Variants in KIF2C observed in about 807,000 individuals in gnomAD.
The protein encoded by KIF2C is kinesin-like protein KIF2C.
A neutral mutation model predicts 97.4 loss-of-function variants in KIF2C; 34 were observed. That is an observed-to-expected ratio of 0.35 (90% CI 0.27 to 0.46). The LOEUF is 0.46. KIF2C is among the 20% of genes least tolerant of loss of function. The pLI is 1.00. For synonymous variants in KIF2C, 313 were observed against 318.2 expected (o/e 0.98, Z 0.17); for missense variants, 750 against 907.6 (o/e 0.83, Z 2.23).
Position 44,753,848 on chromosome 1 carries a change from A to G in KIF2C, c.663+15A>G. The G allele has an allele frequency of 6.5e-7, 1 of 1,528,260 alleles. No individual in the cohort carries two copies. The highest frequency in any genetic ancestry group is 9.0e-7 in the Non-Finnish European group (1 of 1,117,160). 94.7% of individuals were successfully genotyped at this position (1,528,260 alleles called of 1,614,324 possible). On this transcript the variant is annotated intron_variant, in intron 7 of 20. Transcript: ENST00000372224. ...AGAGAGCTCAGGTACCTTTCTTGGG[A>G]GACTAGGGTAAGGGTTTTTGGACAG...
In KIF2C at chr1:44,740,020, T is replaced by C. The variant is rs1648852889; in HGVS notation, c.70+18T>C. 1 of 1,614,120 alleles carries C rather than the reference T, an allele frequency of 6.2e-7. No individual in the cohort carries two copies. The highest frequency in any genetic ancestry group is 8.5e-7 in the Non-Finnish European group (1 of 1,179,960). ...CAGTAATGGTGAGGAGCGGGGTCCC[T>C]AGGTCAAGGGGACTCGTGAGCGGTG... is the stretch of plus-strand genomic sequence containing the variant. On this transcript the variant is annotated intron_variant, in intron 1 of 20. Coordinates refer to ENST00000372224, the MANE Select transcript of KIF2C (RefSeq NM_006845.4).
chr1:44,741,060 A>G (rs1648909914), intron 2 of KIF2C, 53 bp downstream of exon 2: 1 of 1,386,384 alleles, frequency 7.2e-7, no homozygotes, highest in African/African-American at 1.4e-5. Flanking sequence ...TACATAAAGG[A>G]TCTGTGCAGA....
chr1:44,763,147 G>A (rs1259534462), intron 19 of KIF2C, among the ~76,000 whole-genome samples: 2 of 151,844 alleles, frequency 1.3e-5, no homozygotes, highest in Non-Finnish European at 2.9e-5. Context: ...GTCAAGGTAG[G>A]ATGGTTGTAT....
At chr1:44,759,635 C>T (rs764849031) in intron 14 of KIF2C, among the ~76,000 whole-genome samples, 10 of 152,122 alleles carry the variant, frequency 6.6e-5, no homozygotes, top group Non-Finnish European at 1.5e-4. Flanking sequence ...TTGCAGTGAG[C>T]TGTGATCGCA....
chr1:44,740,096 CTCTT>C, intron 1 of KIF2C, 94 bp downstream of exon 1: 1 of 1,402,108 alleles, frequency 7.1e-7, no homozygotes, highest in Non-Finnish European at 1.0e-6. Context: ...GGCTTTCACT[CTCTT>C]TCTCTCCCTC....
chr1:44,756,297 A>C, intron 10 of KIF2C, 60 bp downstream of exon 10: 1 of 1,536,540 alleles, frequency 6.5e-7, no homozygotes, highest in Non-Finnish European at 9.0e-7. Context: ...TTTTTGTGGG[A>C]CATCGTGGTA....
chr1:44,749,575 G>C (rs1020504389), intron 4 of KIF2C, among the ~76,000 whole-genome samples: 1 of 151,960 alleles, frequency 6.6e-6, no homozygotes, highest in Non-Finnish European at 1.5e-5. Context: ...AATATAGCAA[G>C]ACTCAGTCTT....
intron 2 of KIF2C, among the ~76,000 whole-genome samples, chr1:44,743,090 G>A (rs967575959): frequency 2.0e-5 from 3 of 152,186 alleles, no homozygotes; most frequent in African/African-American, 7.2e-5. Context: ...CAAAACAGCT[G>A]AAAAAGGAGA....
chr1:44,740,931 A>G lies in KIF2C; in HGVS notation c.89A>G (p.Asn30Ser), dbSNP rs779692682. The change falls in exon 2 of 21, where the codon AAT becomes AGT. Residue 30 changes from asparagine to serine, a missense_variant. By Grantham distance (46) the Asn-to-Ser change is conservative. Coordinates refer to ENST00000372224, the MANE Select transcript of KIF2C (RefSeq NM_006845.4). Reference sequence around the variant, plus strand: ...TTTATAGGTTTAATTCACAGTGCCAATGTAAGGACTGTGAACTTGGAGAAA... The same window carrying G: ...TTTATAGGTTTAATTCACAGTGCCAGTGTAAGGACTGTGAACTTGGAGAAA... Reference protein sequence around the residue: ...QRSNGLIHSANVRTVNLEKSC... With the variant: ...QRSNGLIHSASVRTVNLEKSC... 5 of 1,613,348 alleles carry G rather than the reference A, an allele frequency of 3.1e-6. No homozygotes were observed. The highest frequency in any genetic ancestry group is 1.1e-5 in the South Asian group (1 of 91,068).
chr1:44,762,089 C>T (rs1450487319), intron 17 of KIF2C, 106 bp downstream of exon 17: 6 of 1,020,294 alleles, frequency 5.9e-6, no homozygotes, highest in African/African-American at 4.7e-5. Context: ...CTGTATACTC[C>T]TCTGTGACTC....
chr1:44,753,958 C>CTTTTTTTGTT (rs1649675267), intron 7 of KIF2C, 125 bp downstream of exon 7: 3 of 66,714 alleles, frequency 4.5e-5, no homozygotes, highest in Non-Finnish European at 8.0e-5. Context: ...GGCCCCAATT[C>CTTTTTTTGTT]TTTTTTTTTT....
At position 44,756,079 on chromosome 1, in the gene KIF2C, G is replaced by A; in HGVS notation, c.819G>A (p.Leu273=). The A allele has an allele frequency of 1.2e-6, 2 of 1,614,146 alleles. No homozygotes were observed. Among genetic ancestry groups the A allele is most frequent in the Non-Finnish European group, 1.7e-6 (2 of 1,180,024 alleles). ...VRKRPLNKQE[L]AKKEIDVISI... ...TGAAATACTCTCCTTCTGCAGAATTGGCCAAGAAAGAAATTGATGTGATTT... is the reference window on the plus strand; with the variant it reads ...TGAAATACTCTCCTTCTGCAGAATTAGCCAAGAAAGAAATTGATGTGATTT... Residue 273 remains leucine (L), a synonymous_variant, in exon 10 of 21, where the codon TTG becomes TTA. Coordinates refer to ENST00000372224, the MANE Select transcript of KIF2C (RefSeq NM_006845.4).
At position 44,750,447 on chromosome 1, in the gene KIF2C, C is replaced by T. The variant is rs572895671; in HGVS notation, c.322C>T (p.Arg108Ter). ...SKIPAPKESLRSRSTRMSTVS... is the reference protein window; with the variant it reads ...SKIPAPKESL The stretch of plus-strand genomic sequence containing the variant: ...TACTGCTCTCGGTTCTCCAGGTCTT[C>T]GAAGCCGCTCCACTCGCATGTCCAC... Residue 108 changes from arginine (R) to a stop codon, truncating the protein, a stop_gained, in exon 5 of 21, where the codon CGA (arginine) becomes TGA (stop). Coordinates refer to ENST00000372224, the MANE Select transcript of KIF2C (RefSeq NM_006845.4). LOFTEE classifies it high-confidence loss of function. The T allele has an allele frequency of 1.0e-5, 15 of 1,475,558 alleles. No individual in the cohort carries two copies. The highest frequency in any genetic ancestry group is 2.1e-5 in the Admixed American group (1 of 47,652). 91.4% of individuals were successfully genotyped at this position (1,475,558 alleles called of 1,614,324 possible).
At chr1:44,757,184 TG>T (rs1214922371) in intron 10 of KIF2C, among the ~76,000 whole-genome samples, 4 of 152,218 alleles carry the variant, frequency 2.6e-5, no homozygotes, top group African/African-American at 9.6e-5. Context: ...CCCAAAGTGC[TG>T]GGATTACAGG....
At position 44,750,366 on chromosome 1, in the gene KIF2C, C is replaced by G. The variant is rs12566610; in HGVS notation, c.317-76C>G. ...TAGCTGGGACCTATTTCACCTTGTA[C>G]AGAAACTTGGAGGTTTGCCCCTGAC... On this transcript the variant is annotated intron_variant, in intron 4 of 20. Coordinates refer to ENST00000372224, the MANE Select transcript of KIF2C (RefSeq NM_006845.4). 257,771 of 1,307,664 alleles carry G rather than the reference C, an allele frequency of 0.2. 28,457 individuals are homozygous for G. The highest frequency in any genetic ancestry group is 0.46 in the African/African-American group (30,569 of 66,304). 81.0% of individuals were successfully genotyped at this position (1,307,664 alleles called of 1,614,324 possible). A position where few individuals can be genotyped will look rare whatever the true frequency, so the allele number is the denominator to read the frequency against.
Position 44,757,637 on chromosome 1 carries a change from C to A in KIF2C, c.1059C>A (p.Gly353=). Residue 353 remains glycine (G), a synonymous_variant, in exon 11 of 21, where the codon GGC becomes GGA. Coordinates refer to ENST00000372224, the MANE Select transcript of KIF2C (RefSeq NM_006845.4). ...TCFAYGQTGS[G]KTHTMGGDLS... ...TTGCATATGGCCAGACAGGAAGTGG[C>A]AAGACACATGTGAGTATTGAGGCCT... The A allele has an allele frequency of 6.2e-7, 1 of 1,610,074 alleles. No individual in the cohort carries two copies.
rs375014359 is a variant in KIF2C at position 44,762,000 on chromosome 1, C to T, written c.1751+17C>T. On this transcript the variant is annotated intron_variant, in intron 17 of 20. Coordinates refer to ENST00000372224, the MANE Select transcript of KIF2C (RefSeq NM_006845.4). ...TGCAGACAGGTACTAGTACCTACAG[C>T]TAGGTGGGATGCGGAACAGGACTGG... The T allele has an allele frequency of 3.7e-6, 6 of 1,605,508 alleles. No individual in the cohort carries two copies. The African/African-American group carries it at 6.7e-5, about 18-fold the overall frequency.
At chr1:44,747,337 G>A in intron 2 of KIF2C, 47 bp from the exon 3 acceptor site, 2 of 1,332,536 alleles carry the variant, frequency 1.5e-6, no homozygotes, top group Non-Finnish European at 2.1e-6. Context: ...AAATGTATTT[G>A]GATTGAACAA....
intron 19 of KIF2C, among the ~76,000 whole-genome samples, chr1:44,765,305 T>G (rs763058422): frequency 6.6e-6 from 1 of 151,768 alleles, no homozygotes; most frequent in Non-Finnish European, 1.5e-5. Context: ...GCAGCAAAAA[T>G]TATAATAAAA....
Sources: allele counts gnomAD v4.1 joint callset (sites outside exome capture counted in the v4.1 genomes callset), GRCh38; gene constraint gnomAD v4.1.1; transcripts MANE v1.5; gene names NCBI Gene and HGNC (gene_info 2026-07-23, HGNC 2026-07-21).